Variants in GREB1L observed in about 807,000 individuals in gnomAD.
GREB1L encodes the protein GREB1 like retinoic acid receptor coactivator.
In GREB1L, 17 loss-of-function variants were observed where a neutral mutation model predicts 200.8. That is an observed-to-expected ratio of 0.08 (90% CI 0.06 to 0.13). The LOEUF (loss-of-function observed/expected upper bound fraction) is 0.13, where lower values mean the gene tolerates loss of function less well. Ranked by LOEUF, GREB1L falls within the 10% of genes least tolerant of loss-of-function variation. The pLI, the probability that GREB1L is intolerant of heterozygous loss-of-function variation, is 1.00. For synonymous variants in GREB1L, 789 were observed against 893.0 expected, an observed-to-expected ratio of 0.88 and a Z score of 2.08; for missense variants, 1,657 against 2,367.7, an observed-to-expected ratio of 0.70 and a Z score of 6.23.
In GREB1L at chr18:21,357,209, G is replaced by A. The variant is rs549482739; in HGVS notation, c.-119-8818G>A. Among the ~76,000 whole-genome samples, 46 of 152,122 alleles carry A rather than the reference G, an allele frequency of 3.0e-4. 1 individual carries two copies. Among genetic ancestry groups the A allele is most frequent in the Middle Eastern group, 6.8e-3 (2 of 292 alleles). On this transcript the variant is annotated intron_variant, in intron 1 of 32. Transcript: ENST00000424526. ...AGCTGGGACTACAGGTGCATACCAC[G>A]ACGTCTGGTTATTTTTGTATTTTTA... is the stretch of plus-strand genomic sequence containing the variant.
chr18:21,363,761 A>C (rs1053736133), intron 1 of GREB1L: 6 of 152,200 alleles, frequency 3.9e-5, no homozygotes, highest in African/African-American at 1.4e-4. Context: ...TGAGCAATAG[A>C]GGAAGAGAGC....
intron 7 of GREB1L, among the ~76,000 whole-genome samples, chr18:21,426,057 AT>A (rs201525429): frequency 0.28 from 38,182 of 134,356 alleles, 6,147 homozygotes; most frequent in African/African-American, 0.5. Flanking sequence ...TTTTAGGTTA[AT>A]TTTTTTTTTT....
At chr18:21,329,725 T>C (rs2039078800) in intron 1 of GREB1L, among the ~76,000 whole-genome samples, 1 of 152,042 alleles carries the variant, frequency 6.6e-6, no homozygotes, top group Admixed American at 6.6e-5. Flanking sequence ...ACAATGAGGA[T>C]TGGTCCCCCT....
Position 21,251,850 on chromosome 18 carries a change from C to A in GREB1L, c.-120+9457C>A, listed in dbSNP as rs564591616. Among the ~76,000 whole-genome samples the A allele has an allele frequency of 2.7e-5, 4 of 148,528 alleles. No individual in the cohort carries two copies. The South Asian group carries it at 8.4e-4, about 31-fold the overall frequency. On this transcript the variant is annotated intron_variant, in intron 1 of 32. Transcript: ENST00000424526. Reference sequence around the variant, plus strand: ...ATCCCAGCTACTCAGGAGGCTGAGGCAGGAGAATCGCTTGAACCGAGGAGG... The same window carrying A: ...ATCCCAGCTACTCAGGAGGCTGAGGAAGGAGAATCGCTTGAACCGAGGAGG...
At chr18:21,499,681 A>G (rs566858713) in intron 21 of GREB1L, 48 bp from the exon 22 acceptor site, 3 of 1,374,672 alleles carry the variant, frequency 2.2e-6, no homozygotes, top group East Asian at 5.0e-5. Context: ...CACACCCTAG[A>G]TCAGTAACAG....
chr18:21,290,824 CAAAAA>C (rs752840997), intron 1 of GREB1L, among the ~76,000 whole-genome samples: 1 of 63,198 alleles, frequency 1.6e-5, no homozygotes. Flanking sequence ...GACTCTGTCT[CAAAAA>C]AAAAAAAAAA....
At chr18:21,348,508 C>A (rs1598682020) in intron 1 of GREB1L, among the ~76,000 whole-genome samples, 1 of 152,064 alleles carries the variant, frequency 6.6e-6, no homozygotes, top group African/African-American at 2.4e-5. Flanking sequence ...GGCACAGTGG[C>A]TCATGTCTGT....
chr18:21,308,756 G>A (rs141829264), intron 1 of GREB1L, among the ~76,000 whole-genome samples: 2 of 152,204 alleles, frequency 1.3e-5, no homozygotes, highest in African/African-American at 4.8e-5. Flanking sequence ...AGAGATGTCA[G>A]CCTGATTTCT....
chr18:21,304,094 A>G (rs1275068445), intron 1 of GREB1L, among the ~76,000 whole-genome samples: 1 of 152,178 alleles, frequency 6.6e-6, no homozygotes, highest in Non-Finnish European at 1.5e-5. Context: ...TGCAATTGTC[A>G]TGCCTCTTCT....
chr18:21,419,986 T>C (rs2144850580), intron 7 of GREB1L, among the ~76,000 whole-genome samples: 1 of 152,328 alleles, frequency 6.6e-6, no homozygotes, highest in East Asian at 1.9e-4. Flanking sequence ...TAATGGTTTT[T>C]TGGATATAAC....
At chr18:21,366,477 A>G (rs2143649595) in intron 2 of GREB1L, among the ~76,000 whole-genome samples, 1 of 152,330 alleles carries the variant, frequency 6.6e-6, no homozygotes, top group African/African-American at 2.4e-5. Context: ...GCTTCTGCAT[A>G]AATACCCAGA....
chr18:21,430,738 A>C (rs2033081800), intron 7 of GREB1L, among the ~76,000 whole-genome samples: 1 of 151,236 alleles, frequency 6.6e-6, no homozygotes, highest in African/African-American at 2.4e-5. Flanking sequence ...ATGGGATTAC[A>C]GGCATGCGCC....
At chr18:21,252,384 C>T (rs1024974502) in intron 1 of GREB1L, among the ~76,000 whole-genome samples, 7 of 151,200 alleles carry the variant, frequency 4.6e-5, no homozygotes, top group Non-Finnish European at 1.0e-4. Flanking sequence ...ATGGAGAAAC[C>T]CCGTCTCCAC....
intron 15 of GREB1L, among the ~76,000 whole-genome samples, chr18:21,459,579 G>A (rs1436591334): frequency 4.6e-5 from 7 of 151,882 alleles, no homozygotes; most frequent in Admixed American, 3.9e-4. Flanking sequence ...GAGCCACCGC[G>A]CATGGCCGGC....
intron 1 of GREB1L, among the ~76,000 whole-genome samples, chr18:21,285,862 T>TA (rs141044644): frequency 0.018 from 2,666 of 152,154 alleles, 77 homozygotes; most frequent in African/African-American, 0.058. Flanking sequence ...GCTTGTGGGG[T>TA]AGAGGTGGTT....
intron 7 of GREB1L, among the ~76,000 whole-genome samples, chr18:21,420,780 C>T (rs1198157704): frequency 6.6e-6 from 1 of 152,128 alleles, no homozygotes; most frequent in Non-Finnish European, 1.5e-5. Flanking sequence ...CATTTTATTC[C>T]TAGGTGTTTA....
chr18:21,477,417 C>T (rs1019114777), intron 17 of GREB1L, 61 bp downstream of exon 17: 11 of 1,261,194 alleles, frequency 8.7e-6, no homozygotes, highest in Middle Eastern at 2.3e-4. Context: ...GAGGGTAGGA[C>T]CTTGTAACAA....
intron 4 of GREB1L, among the ~76,000 whole-genome samples, chr18:21,385,590 A>G (rs183605634): frequency 6.6e-6 from 1 of 152,278 alleles, no homozygotes; most frequent in Admixed American, 6.5e-5. Flanking sequence ...TATAATATAT[A>G]TGGATTTATT....
rs114509410 is a variant in GREB1L, at chr18:21,525,587, C to T, written c.*2766C>T. Among the ~76,000 whole-genome samples the T allele has an allele frequency of 8.9e-3, 1,357 of 152,258 alleles. 14 individuals are homozygous for T. The highest frequency in any genetic ancestry group is 0.03 in the African/African-American group (1,236 of 41,540). ...TAGTAGATACCAATCTTTTATTTGA[C>T]AGATTGCAACTACACTCACTTTGAT... On this transcript the variant is annotated 3_prime_UTR_variant, in exon 33 of 33. Coordinates refer to ENST00000424526, the MANE Select transcript of GREB1L (RefSeq NM_001142966.3).
Sources: gnomAD v4.1 joint callset for allele counts (sites outside exome capture counted in the v4.1 genomes callset) on GRCh38, gnomAD v4.1.1 for gene constraint, MANE v1.5 for transcripts, NCBI Gene and HGNC (gene_info 2026-07-23, HGNC 2026-07-21) for gene names.